Variants in WWOX observed in about 807,000 individuals in gnomAD.
WWOX encodes WW domain containing oxidoreductase.
In WWOX, 69 loss-of-function variants were observed where a neutral mutation model predicts 46.2. The ratio of observed to expected loss-of-function variants is 1.49; its 90% confidence interval spans 1.23 to 1.82. The LOEUF (loss-of-function observed/expected upper bound fraction) is 1.82, where lower values mean the gene tolerates loss of function less well. WWOX is among the 40% of genes most tolerant of loss of function. The probability of loss-of-function intolerance (pLI) is 0.00; values close to 1 mark genes in which losing one functional copy is unlikely to be tolerated. For synonymous variants in WWOX, 359 were observed against 202.6 expected (o/e 1.77, Z -6.56); for missense variants, 919 against 542.6 (o/e 1.69, Z -6.89).
chr16:78,710,588 T>G (rs3889650), intron 8 of WWOX, among the ~76,000 whole-genome samples: 62,758 of 142,310 alleles, frequency 0.44, 14,409 homozygotes, highest in East Asian at 0.55. Flanking sequence ...ATATAAAATA[T>G]ATATAAATAT....
At chr16:79,209,342 G>C (rs1033480530) in intron 8 of WWOX, among the ~76,000 whole-genome samples, 2 of 152,174 alleles carry the variant, frequency 1.3e-5, no homozygotes, top group African/African-American at 4.8e-5. Flanking sequence ...AGTGCAACGT[G>C]GTATCATTAC....
chr16:78,687,903 C>A (rs1173276832), intron 8 of WWOX, among the ~76,000 whole-genome samples: 1 of 152,012 alleles, frequency 6.6e-6, no homozygotes, highest in Non-Finnish European at 1.5e-5. Flanking sequence ...AAATGGCCCA[C>A]TCCCTTTCTT....
intron 4 of WWOX, among the ~76,000 whole-genome samples, chr16:78,137,840 G>C (rs2033853823): frequency 6.6e-6 from 1 of 151,332 alleles, no homozygotes; most frequent in East Asian, 1.9e-4. Flanking sequence ...CTGTACTTGA[G>C]CAGTATCCAT....
chr16:79,051,915 T>C (rs1053419545), intron 8 of WWOX, among the ~76,000 whole-genome samples: 2 of 152,272 alleles, frequency 1.3e-5, no homozygotes, highest in African/African-American at 4.8e-5. Context: ...AAGCAAGCAT[T>C]AGGTCATAGC....
chr16:78,730,031 A>G (rs1338384337), intron 8 of WWOX, among the ~76,000 whole-genome samples: 1 of 152,164 alleles, frequency 6.6e-6, no homozygotes. Context: ...GTTTCTTATG[A>G]TAAGTAACAG....
At chr16:78,748,097 T>TCTCTCC (rs1352448734) in intron 8 of WWOX, among the ~76,000 whole-genome samples, 1 of 152,094 alleles carries the variant, frequency 6.6e-6, no homozygotes, top group African/African-American at 2.4e-5. Context: ...CTCTGCTCTT[T>TCTCTCC]CTCTCCCAGA....
chr16:78,975,221 G>A (rs574417292), intron 8 of WWOX, among the ~76,000 whole-genome samples: 9 of 152,160 alleles, frequency 5.9e-5, no homozygotes, highest in African/African-American at 2.2e-4. Flanking sequence ...CTGGTTCAAG[G>A]GTTCTCAGAT....
intron 8 of WWOX, among the ~76,000 whole-genome samples, chr16:78,592,061 G>A (rs1298830669): frequency 6.6e-6 from 1 of 152,098 alleles, no homozygotes; most frequent in African/African-American, 2.4e-5. Flanking sequence ...ATTTACCTCT[G>A]AGGTCAATAC....
At chr16:78,169,299 G>C (rs549483526) in intron 5 of WWOX, among the ~76,000 whole-genome samples, 5 of 152,172 alleles carry the variant, frequency 3.3e-5, no homozygotes, top group Admixed American at 3.3e-4. Context: ...GTGTCTATGT[G>C]TTAGGAATCC....
chr16:78,294,407 C>T (rs938991564), intron 5 of WWOX, among the ~76,000 whole-genome samples: 3 of 142,096 alleles, frequency 2.1e-5, no homozygotes, highest in East Asian at 4.2e-4. Context: ...AACCCACCAA[C>T]ACCTCCTCTT....
At position 79,136,665 on chromosome 16, in the gene WWOX, A is replaced by G. The variant is rs187331648; in HGVS notation, c.1057-74943A>G. 3.2e-3 allele frequency among the ~76,000 whole-genome samples: 483 copies of G among 152,278 alleles called. 3 individuals are homozygous for G. The highest frequency in any genetic ancestry group is 0.011 in the African/African-American group (467 of 41,554). On this transcript the variant is annotated intron_variant, in intron 8 of 8. Coordinates refer to ENST00000566780, the MANE Select transcript of WWOX (RefSeq NM_016373.4). Reference sequence around the variant, plus strand: ...CATGGATTCCAGAGACAGGGTGGGCACCAGTTCCTCACCGGGTCCTTTCTA... The same window carrying G: ...CATGGATTCCAGAGACAGGGTGGGCGCCAGTTCCTCACCGGGTCCTTTCTA...
chr16:78,802,161 A>T (rs1291946870), intron 8 of WWOX, among the ~76,000 whole-genome samples: 2 of 151,304 alleles, frequency 1.3e-5, no homozygotes, highest in African/African-American at 2.4e-5. Flanking sequence ...AGATATATAC[A>T]ACACAAAGAG....
At chr16:78,214,353 T>C (rs1270781415) in intron 5 of WWOX, among the ~76,000 whole-genome samples, 1 of 152,132 alleles carries the variant, frequency 6.6e-6, no homozygotes, top group African/African-American at 2.4e-5. Context: ...TGGTTTGTAA[T>C]TGTTCCTACC....
chr16:78,499,888 C>G (rs2151473689), intron 8 of WWOX, among the ~76,000 whole-genome samples: 1 of 152,266 alleles, frequency 6.6e-6, no homozygotes, highest in East Asian at 1.9e-4. Flanking sequence ...CTTTAATGTG[C>G]TATAAATAGA....
rs139812717 is a variant in WWOX, at chr16:78,396,386, C to T, written c.605+9438C>T. Among the ~76,000 whole-genome samples, 562 of 152,174 alleles carry T rather than the reference C, an allele frequency of 3.7e-3. 1 individual carries two copies. The highest frequency in any genetic ancestry group is 0.013 in the African/African-American group (548 of 41,516). On this transcript the variant is annotated intron_variant, in intron 6 of 8. Transcript: ENST00000566780. ...TAAATGAAAATGTGTTCGAATTAAC[C>T]ACACCAATGTTCACAAAATAAACAT...
chr16:78,697,129 G>A (rs1214377587), intron 8 of WWOX, among the ~76,000 whole-genome samples: 1 of 152,178 alleles, frequency 6.6e-6, no homozygotes, highest in Non-Finnish European at 1.5e-5. Context: ...AAACATGCGT[G>A]TGCAAGTATG....
chr16:79,048,150 G>C (rs2048100404), intron 8 of WWOX, among the ~76,000 whole-genome samples: 1 of 152,176 alleles, frequency 6.6e-6, no homozygotes, highest in Non-Finnish European at 1.5e-5. Flanking sequence ...ATGGAGCATG[G>C]AGAAGCTTCC....
rs111866842 is a variant in WWOX at position 78,182,077 on chromosome 16, T to A, written c.516+17788T>A. Among the ~76,000 whole-genome samples, 772 of 152,340 alleles carry A rather than the reference T, an allele frequency of 5.1e-3. 6 individuals are homozygous for A. Among genetic ancestry groups the A allele is most frequent in the African/African-American group, 0.018 (737 of 41,576 alleles). The stretch of plus-strand genomic sequence containing the variant: ...GGGGGCCTAAGCAACGCATCTGGAA[T>A]TTAGCCTTCCCAAGTTCAAATCCGG... On this transcript the variant is annotated intron_variant, in intron 5 of 8. Transcript: ENST00000566780.
intron 8 of WWOX, among the ~76,000 whole-genome samples, chr16:79,139,074 T>C (rs1333114422): frequency 6.6e-6 from 1 of 152,190 alleles, no homozygotes; most frequent in Non-Finnish European, 1.5e-5. Flanking sequence ...CGTTCACACA[T>C]GGTTCCGTCT....
Sources: gnomAD v4.1 joint callset for allele counts (sites outside exome capture counted in the v4.1 genomes callset) on GRCh38, gnomAD v4.1.1 for gene constraint, MANE v1.5 for transcripts, NCBI Gene and HGNC (gene_info 2026-07-23, HGNC 2026-07-21) for gene names.